Variants in ADAMTS2 observed in about 807,000 individuals in gnomAD.
ADAMTS2 encodes ADAM metallopeptidase with thrombospondin type 1 motif 2.
Under a neutral mutation model 123.0 loss-of-function variants are expected in ADAMTS2, and 50 were observed. The ratio of observed to expected loss-of-function variants is 0.41; its 90% CI spans 0.32 to 0.51. ADAMTS2 has a LOEUF of 0.51. Ranked by LOEUF, ADAMTS2 falls within the 20% of genes least tolerant of loss-of-function variation. The probability of loss-of-function intolerance (pLI) is 0.35; values close to 1 mark genes in which losing one functional copy is unlikely to be tolerated. For missense variants in ADAMTS2, 1,494 were observed against 1,705.2 expected, an observed-to-expected ratio of 0.88 and a Z score of 2.18; for synonymous variants, 678 against 695.4, an observed-to-expected ratio of 0.98 and a Z score of 0.39.
intron 2 of ADAMTS2, among the ~76,000 whole-genome samples, chr5:179,333,676 T>C (rs1260135695): frequency 2.1e-5 from 3 of 145,384 alleles, no homozygotes; most frequent in African/African-American, 7.6e-5. Flanking sequence ...TTCAGCTCAC[T>C]GCAAGCTCCG....
chr5:179,164,074 C>T (rs1247757216), intron 5 of ADAMTS2, among the ~76,000 whole-genome samples: 1 of 152,206 alleles, frequency 6.6e-6, no homozygotes, highest in Non-Finnish European at 1.5e-5. Context: ...AGAGGGTTAC[C>T]TCAGTGTCCG....
intron 4 of ADAMTS2, among the ~76,000 whole-genome samples, chr5:179,205,584 C>G (rs1764662215): frequency 1.3e-5 from 2 of 152,142 alleles, no homozygotes. Context: ...TGGAAGGCGA[C>G]ATAATGCTAG....
intron 3 of ADAMTS2, among the ~76,000 whole-genome samples, chr5:179,220,083 C>G (rs1765093039): frequency 6.6e-6 from 1 of 152,258 alleles, no homozygotes; most frequent in Non-Finnish European, 1.5e-5. Context: ...GCAGTTGGCC[C>G]AGGGAAGGGG....
intron 12 of ADAMTS2, among the ~76,000 whole-genome samples, chr5:179,137,550 C>G (rs1041597844): frequency 6.6e-6 from 1 of 152,248 alleles, no homozygotes; most frequent in Non-Finnish European, 1.5e-5. Context: ...CTCAGCTACT[C>G]TGGGGTGTTC....
intron 10 of ADAMTS2, 134 bp from the exon 11 acceptor site, chr5:179,140,169 G>A (rs773898582): frequency 1.7e-4 from 224 of 1,296,636 alleles, no homozygotes; most frequent in Non-Finnish European, 2.4e-4. Flanking sequence ...CACCCTCCTC[G>A]CCCCTAGATG....
rs1762981660 is a variant in ADAMTS2, at chr5:179,132,467, G to C, written c.2210-157C>G. On this transcript the variant is annotated intron_variant, in intron 14 of 21. Coordinates refer to ENST00000251582, the MANE Select transcript of ADAMTS2 (RefSeq NM_014244.5). The surrounding 1 kb of genome is among the most constrained non-coding windows in gnomAD (Gnocchi z 6.1). ...GGCTTTGAGGACCCACCTGAGAGGG[G>C]CCACCAGGAAAGCTGCTGCCTCCAG... 6.6e-6 allele frequency among the ~76,000 whole-genome samples: 1 copy of C among 152,016 alleles called. No individual in the cohort carries two copies. Among genetic ancestry groups the C allele is most frequent in the Admixed American group, 6.5e-5 (1 of 15,274 alleles).
intron 2 of ADAMTS2, among the ~76,000 whole-genome samples, chr5:179,293,493 C>T (rs1203230288): frequency 5.9e-5 from 9 of 152,244 alleles, no homozygotes; most frequent in South Asian, 2.1e-4. Context: ...CCAACGCCTC[C>T]GGGCCACAGC....
intron 3 of ADAMTS2, among the ~76,000 whole-genome samples, chr5:179,209,137 TACCAGGC>T (rs1310812480): frequency 9.2e-5 from 14 of 152,164 alleles, no homozygotes; most frequent in African/African-American, 3.4e-4. Context: ...GGCAGCCTGG[TACCAGGC>T]CCTCATCCCG....
chr5:179,336,078 T>G (rs1757603789), intron 2 of ADAMTS2, among the ~76,000 whole-genome samples: 1 of 152,202 alleles, frequency 6.6e-6, no homozygotes, highest in Non-Finnish European at 1.5e-5. Flanking sequence ...TCCCGGACAT[T>G]CTGCACAGAG....
In ADAMTS2 at chr5:179,251,653, G is replaced by T. The variant is rs180681029; in HGVS notation, c.688+21258C>A. Among the ~76,000 whole-genome samples, 68 of 152,294 alleles carry T rather than the reference G, an allele frequency of 4.5e-4. No individual in the cohort carries two copies. The East Asian group carries it at 0.012, about 27-fold the overall frequency. ...GTGTTTCCTCAAAAAGTGAAACACT[G>T]TGTTATCATGTGAGCCAGCAATTCT... On this transcript the variant is annotated intron_variant, in intron 3 of 21. Coordinates refer to ENST00000251582, the MANE Select transcript of ADAMTS2 (RefSeq NM_014244.5).
chr5:179,272,862 G>C lies in ADAMTS2; in HGVS notation c.688+49C>G. On this transcript the variant is annotated intron_variant, in intron 3 of 21. Transcript: ENST00000251582. The surrounding 1 kb of genome is among the most constrained non-coding windows in gnomAD (Gnocchi z 5.8). ...CTCTGGGATGCTCCCCTGGGGACCA[G>C]GGCCTCAGAGGGCTCTCCACACAGC... The C allele has an allele frequency of 6.3e-7, 1 of 1,590,096 alleles. No individual in the cohort carries two copies. Among genetic ancestry groups the C allele is most frequent in the Non-Finnish European group, 8.5e-7 (1 of 1,172,604 alleles).
intron 3 of ADAMTS2, among the ~76,000 whole-genome samples, chr5:179,227,869 G>A (rs1765322696): frequency 6.6e-6 from 1 of 152,134 alleles, no homozygotes; most frequent in Admixed American, 6.5e-5. Context: ...TGGGGCTGGA[G>A]AGGGAGCCAG....
chr5:179,157,616 C>G (rs1227687455), intron 6 of ADAMTS2, among the ~76,000 whole-genome samples: 1 of 152,032 alleles, frequency 6.6e-6, no homozygotes, highest in Non-Finnish European at 1.5e-5. Flanking sequence ...AACAATCCTC[C>G]CACCTCAGGT....
At chr5:179,243,984 A>G (rs1765724535) in intron 3 of ADAMTS2, among the ~76,000 whole-genome samples, 1 of 152,184 alleles carries the variant, frequency 6.6e-6, no homozygotes, top group African/African-American at 2.4e-5. Flanking sequence ...GGACACAGGG[A>G]AAAAAGAATG....
Position 179,234,256 on chromosome 5 carries a change from G to A in ADAMTS2, c.689-26541C>T, listed in dbSNP as rs183802390. On this transcript the variant is annotated intron_variant, in intron 3 of 21. Coordinates refer to ENST00000251582, the MANE Select transcript of ADAMTS2 (RefSeq NM_014244.5). The surrounding 1 kb of genome is among the most constrained non-coding windows in gnomAD (Gnocchi z 4.7). ...CCCTGCTCTGTGGGGGATTCCTGCT[G>A]CTCTGCCTGAATTCACCCAGGTGGG... 6.6e-6 allele frequency among the ~76,000 whole-genome samples: 1 copy of A among 152,264 alleles called. No individual in the cohort carries two copies. The highest frequency in any genetic ancestry group is 6.5e-5 in the Admixed American group (1 of 15,308).
chr5:179,149,090 C>A (rs1242247776), intron 10 of ADAMTS2, among the ~76,000 whole-genome samples: 2 of 152,136 alleles, frequency 1.3e-5, no homozygotes, highest in African/African-American at 2.4e-5. Context: ...GGGTTGCAGG[C>A]GAGGAGGGGC....
chr5:179,154,479 G>A (rs1378443690), intron 7 of ADAMTS2, among the ~76,000 whole-genome samples: 2 of 152,188 alleles, frequency 1.3e-5, no homozygotes, highest in African/African-American at 4.8e-5. Flanking sequence ...AACCCAGGGC[G>A]AGCCACCCTC....
chr5:179,223,762 C>T (rs1030947941), intron 3 of ADAMTS2, among the ~76,000 whole-genome samples: 7 of 152,268 alleles, frequency 4.6e-5, no homozygotes, highest in South Asian at 2.1e-4. Context: ...AGTGCATGTG[C>T]GTGTATGTGA....
At chr5:179,220,381 C>A (rs900427785) in intron 3 of ADAMTS2, among the ~76,000 whole-genome samples, 2 of 152,222 alleles carry the variant, frequency 1.3e-5, no homozygotes, top group Non-Finnish European at 2.9e-5. Context: ...ATCCCTGTCA[C>A]CAGTCCGGTA....
Sources: allele counts gnomAD v4.1 joint callset (sites outside exome capture counted in the v4.1 genomes callset), GRCh38; gene constraint gnomAD v4.1.1; non-coding constraint Gnocchi (gnomAD v3.1); transcripts MANE v1.5; gene names NCBI Gene and HGNC (gene_info 2026-07-23, HGNC 2026-07-21).